The following ATG9B variants were observed in gnomAD, a reference collection of about 807,000 sequenced individuals.
The protein encoded by ATG9B is autophagy-related protein 9B.
In ATG9B, 92 loss-of-function variants were observed where a neutral mutation model predicts 92.9. The observed-to-expected ratio is 0.99, with a 90% CI of 0.84 to 1.18. The LOEUF (loss-of-function observed/expected upper bound fraction) is 1.18, where lower values mean the gene tolerates loss of function less well. Ranked by LOEUF, ATG9B falls within the 50% of genes most tolerant of loss-of-function variation. The pLI is 0.00. For synonymous variants in ATG9B, 599 were observed against 551.4 expected, an observed-to-expected ratio of 1.09 and a Z score of -1.21; for missense variants, 1,344 against 1,235.0, an observed-to-expected ratio of 1.09 and a Z score of -1.32.
Position 151,017,222 on chromosome 7 carries a change from G to A in ATG9B, c.2103C>T (p.Asp701=), listed in dbSNP as rs144308007. The A allele has an allele frequency of 1.5e-4, 240 of 1,611,634 alleles. No individual in the cohort carries two copies. The African/African-American group carries it at 1.9e-3, about 13-fold the overall frequency. ...TEASLSQRAE[D]GKTELSLMRF... The stretch of plus-strand genomic sequence containing the variant: ...GCATCAAAGAAAGCTCAGTCTTGCC[G>A]TCCTCCGCACGCTGAGACAGCGAGG... The change falls in exon 9 of 14, where the codon GAC becomes GAT. Residue 701 remains aspartate, a synonymous_variant. Transcript: ENST00000639579.
At position 151,016,829 on chromosome 7, in the gene ATG9B, CAAGAG is replaced by C; in HGVS notation, c.2290-13_2290-9del. The C allele has an allele frequency of 6.3e-7, 1 of 1,598,270 alleles. No homozygotes were observed. Among genetic ancestry groups the C allele is most frequent in the African/African-American group, 1.3e-5 (1 of 74,366 alleles). On this transcript the variant is annotated splice_polypyrimidine_tract_variant and intron_variant, in intron 9 of 13. Coordinates refer to ENST00000639579, the MANE Select transcript of ATG9B (RefSeq NM_001317056.2). ...GGCCAGGAAGGCCTCAGGCTGGGTGCAAGAGGAGAGGGAAAGCCAAAGAGGGAGTC... is the reference window on the plus strand; with the variant it reads ...GGCCAGGAAGGCCTCAGGCTGGGTGCGAGAGGGAAAGCCAAAGAGGGAGTC...
chr7:151,013,325 C>T (rs775282859), downstream of ATG9B: 3 of 1,614,042 alleles, frequency 1.9e-6, no homozygotes, highest in Non-Finnish European at 2.5e-6. Flanking sequence ...CCCAGCAGCG[C>T]GGGGTGTTTG....
At chr7:151,021,141 C>G in intron 5 of ATG9B, 47 bp downstream of exon 5, 1 of 1,604,924 alleles carries the variant, frequency 6.2e-7, no homozygotes, top group Non-Finnish European at 8.5e-7. Flanking sequence ...TCTCCTCTGC[C>G]CACCCTCTCA....
intron 2 of ATG9B, 24 bp from the exon 3 acceptor site, chr7:151,023,533 C>T: frequency 3.1e-6 from 5 of 1,612,890 alleles, no homozygotes; most frequent in Non-Finnish European, 4.2e-6. Flanking sequence ...AAGGAACAAG[C>T]CTGAGGCACG....
downstream of ATG9B, chr7:151,013,324 G>C (rs759024532): frequency 1.5e-5 from 24 of 1,613,914 alleles, 1 homozygote; most frequent in South Asian, 2.5e-4. Context: ...GCCCAGCAGC[G>C]CGGGGTGTTT....
At chr7:151,016,293 C>G in intron 11 of ATG9B, 58 bp from the exon 12 acceptor site, 5 of 1,475,590 alleles carry the variant, frequency 3.4e-6, no homozygotes, top group Non-Finnish European at 4.5e-6. Flanking sequence ...GGCCAAGCAC[C>G]TGGGCTAGAG....
intron 2 of ATG9B, 76 bp downstream of exon 2, chr7:151,023,611 G>C (rs977661970): frequency 1.6e-5 from 26 of 1,609,512 alleles, no homozygotes; most frequent in Admixed American, 1.3e-4. Flanking sequence ...CCCTCACGGA[G>C]TCTCCCTGCC....
At position 151,023,075 on chromosome 7, in the gene ATG9B, G is replaced by T. The variant is rs1795809492; in HGVS notation, c.791C>A (p.Ala264Asp). 3 of 1,614,010 alleles carry T rather than the reference G, an allele frequency of 1.9e-6. No homozygotes were observed. The African/African-American group carries it at 4.0e-5, about 22-fold the overall frequency. Residue 264 changes from alanine (A) to aspartate (D), a missense_variant, in exon 4 of 14, where the codon GCC becomes GAC. Transcript: ENST00000639579. Reference protein sequence around the residue: ...PFHSKVTLSDAILPSAQCAER... With the variant: ...PFHSKVTLSDDILPSAQCAER... ...AGCACACTGGGCTGAGGGTAGGATG[G>T]CATCTGACAGGGTCACTTTGCTGTG...
rs779106302 is a variant in ATG9B, at chr7:151,017,097, C to T, written c.2228G>A (p.Gly743Asp). Reference sequence around the variant, plus strand: ...GGAGGGGCCGCGAGCCGAGGTGGCACCCCAGGCAGCTGCATCTTGTTGTAC... The same window carrying T: ...GGAGGGGCCGCGAGCCGAGGTGGCATCCCAGGCAGCTGCATCTTGTTGTAC... ...GRVQQDAAAWGATSARGPSTP... is the reference protein window; with the variant it reads ...GRVQQDAAAWDATSARGPSTP... Residue 743 changes from glycine (G) to aspartate (D), a missense_variant, in exon 9 of 14, where the codon GGT becomes GAT. Transcript: ENST00000639579. 4 of 1,611,366 alleles carry T rather than the reference C, an allele frequency of 2.5e-6. No individual in the cohort carries two copies. The African/African-American group carries it at 4.0e-5, about 16-fold the overall frequency.
downstream of ATG9B, chr7:151,013,631 G>C: frequency 1.8e-6 from 2 of 1,109,394 alleles, no homozygotes; most frequent in Non-Finnish European, 2.4e-6. Context: ...GGCCCGCTCC[G>C]GAGACTTTCA....
chr7:151,013,029 G>A (rs902240802), downstream of ATG9B: 4 of 587,340 alleles, frequency 6.8e-6, no homozygotes, highest in South Asian at 2.3e-5. Flanking sequence ...CCTCACCCGC[G>A]CTTCCCTTCC....
At position 151,023,222 on chromosome 7, in the gene ATG9B, G is replaced by C. The variant is rs771074134; in HGVS notation, c.660-16C>G. 1.9e-6 allele frequency: 3 copies of C among 1,614,082 alleles called. No homozygotes were observed. Among genetic ancestry groups the C allele is most frequent in the African/African-American group, 1.3e-5 (1 of 75,060 alleles). On this transcript the variant is annotated splice_polypyrimidine_tract_variant and intron_variant, in intron 3 of 13. Transcript: ENST00000639579. ...AATAAATTGTCTGCCGGGAGGAAGG[G>C]GGGGTGCCGGGATGCTGCAGTGATC...
rs755836655 is a variant in ATG9B at position 151,017,155 on chromosome 7, T to G, written c.2170A>C (p.Ser724Arg). ...CAGAGGTGCCCAAGAAACTTAGAGC[T>G]GTGCCCTGGGGGGCGCCAGAGTGGA... ...AHPLWRPPGH[S>R]SKFLGHLWGR... Residue 724 changes from serine (S) to arginine (R), a missense_variant, in exon 9 of 14, where the codon AGC becomes CGC. Coordinates refer to ENST00000639579, the MANE Select transcript of ATG9B (RefSeq NM_001317056.2). 2 of 1,613,144 alleles carry G rather than the reference T, an allele frequency of 1.2e-6. No homozygotes were observed. The highest frequency in any genetic ancestry group is 1.1e-5 in the South Asian group (1 of 91,020).
chr7:151,013,763 G>A (rs773162216), downstream of ATG9B: 16 of 1,611,214 alleles, frequency 9.9e-6, no homozygotes, highest in Admixed American at 1.2e-4. Context: ...GCTGGCTGCG[G>A]AGGTGCACCG....
chr7:151,013,849 G>A (rs763089406), downstream of ATG9B: 10 of 1,605,570 alleles, frequency 6.2e-6, no homozygotes, highest in Non-Finnish European at 6.8e-6. Flanking sequence ...TGCAGACCGT[G>A]CAGCGCATCC....
Position 151,016,175 on chromosome 7 carries a change from T to A in ATG9B, c.2581A>T (p.Arg861Trp). ...WGEAAASILS[R>W]PCSSPSQPPS... is the part of the protein sequence containing the mutation. ...GGCTGTGAGGGGCTGGAGCAGGGCCTGGACAGGATGGAGGCTGCAGCCTCA... is the reference window on the plus strand; with the variant it reads ...GGCTGTGAGGGGCTGGAGCAGGGCCAGGACAGGATGGAGGCTGCAGCCTCA... Residue 861 changes from arginine (R) to tryptophan (W), a missense_variant, in exon 12 of 14, where the codon AGG (arginine) becomes TGG (tryptophan). Physicochemically the swap from Arg to Trp is moderately radical, Grantham distance 101. Transcript: ENST00000639579. 6.5e-7 allele frequency: 1 copy of A among 1,532,872 alleles called. No individual in the cohort carries two copies. The highest frequency in any genetic ancestry group is 8.8e-7 in the Non-Finnish European group (1 of 1,136,854). 95.0% of individuals were successfully genotyped at this position (1,532,872 alleles called of 1,614,324 possible). A position where few individuals can be genotyped will look rare whatever the true frequency, so the allele number is the denominator to read the frequency against.
downstream of ATG9B, chr7:151,012,960 G>A (rs184091407): frequency 1.8e-4 from 93 of 509,350 alleles, 1 homozygote; most frequent in African/African-American, 1.5e-3. Flanking sequence ...CAATGCAAAG[G>A]GCATGGAATT....
At chr7:151,021,870 T>C (rs888783349) in intron 4 of ATG9B, among the ~76,000 whole-genome samples, 5 of 152,132 alleles carry the variant, frequency 3.3e-5, no homozygotes, top group African/African-American at 4.8e-5. Context: ...AGAATGGTTT[T>C]GATCTCCTGA....
chr7:151,012,610 A>T, downstream of ATG9B: 10 of 1,040,710 alleles, frequency 9.6e-6, no homozygotes, highest in Non-Finnish European at 1.4e-5. Flanking sequence ...CATGAGACCA[A>T]GGGGAGGGCA....
Sources: gnomAD v4.1 joint callset for allele counts (sites outside exome capture counted in the v4.1 genomes callset) on GRCh38, gnomAD v4.1.1 for gene constraint, MANE v1.5 for transcripts, NCBI Gene and HGNC (gene_info 2026-07-23, HGNC 2026-07-21) for gene names.